ZNF562: variants seen among roughly 807,000 people sequenced by gnomAD.
ZNF562 encodes the protein zinc finger protein 562.
ZNF562 carries 13 observed loss-of-function variants against 17.5 expected under a neutral mutation model. That is an observed-to-expected ratio of 0.74 (90% CI 0.48 to 1.18). ZNF562 has a LOEUF of 1.18. ZNF562 is among the 50% of genes most tolerant of loss of function. The pLI, the probability that ZNF562 is intolerant of heterozygous loss-of-function variation, is 0.00. For missense variants in ZNF562, 481 were observed against 498.5 expected (o/e 0.96, Z 0.33); for synonymous variants, 163 against 165.4 (o/e 0.99, Z 0.11).
chr19:9,669,650 T>C (rs2044071979), intron 1 of ZNF562, among the ~76,000 whole-genome samples: 1 of 151,314 alleles, frequency 6.6e-6, no homozygotes, highest in Non-Finnish European at 1.5e-5. Context: ...GCAACACCTG[T>C]CTGTACACAC....
At chr19:9,654,443 A>T (rs1322996055) in intron 5 of ZNF562, among the ~76,000 whole-genome samples, 1 of 152,114 alleles carries the variant, frequency 6.6e-6, no homozygotes, top group Non-Finnish European at 1.5e-5. Flanking sequence ...GGCATGCATC[A>T]TCCAATTTTT....
Position 9,648,981 on chromosome 19 carries a change from T to C in ZNF562, c.*3968A>G, listed in dbSNP as rs988323725. On this transcript the variant is annotated 3_prime_UTR_variant, in exon 6 of 6. Coordinates refer to ENST00000453372, the MANE Select transcript of ZNF562 (RefSeq NM_001130031.2). ...TAAAAACTGGATATAAAGAAAAAAC[T>C]TTTCCTGCAGGACATTGTTGCAGGA... The C allele has an allele frequency of 1.3e-5, 2 of 152,036 alleles. No individual in the cohort carries two copies. Among genetic ancestry groups the C allele is most frequent in the Admixed American group, 6.6e-5 (1 of 15,248 alleles). The allele number at this position is 152,036 out of a possible 1,614,324, so 9.4% of individuals were successfully genotyped here. A position where few individuals can be genotyped will look rare whatever the true frequency, so the allele number is the denominator to read the frequency against.
intron 1 of ZNF562, among the ~76,000 whole-genome samples, chr19:9,670,128 A>T (rs887320676): frequency 6.6e-6 from 1 of 152,006 alleles, no homozygotes; most frequent in Non-Finnish European, 1.5e-5. Context: ...AGTCCTGGCT[A>T]CTCAGGAAGC....
intron 1 of ZNF562, among the ~76,000 whole-genome samples, chr19:9,669,734 G>GCGCGCACA (rs1221319747): frequency 1.6e-3 from 171 of 109,316 alleles, no homozygotes; most frequent in Middle Eastern, 5.0e-3. Context: ...GCGCGCGCGC[G>GCGCGCACA]CACACACACA....
intron 4 of ZNF562, among the ~76,000 whole-genome samples, chr19:9,657,391 C>CAA (rs540611946): frequency 0.018 from 1,592 of 88,096 alleles, 27 homozygotes; most frequent in African/African-American, 0.061. Flanking sequence ...GAGACTCCCT[C>CAA]AAAAAAAAAA....
intron 1 of ZNF562, among the ~76,000 whole-genome samples, chr19:9,669,777 A>C (rs183980501): frequency 0.02 from 1,755 of 88,736 alleles, 33 homozygotes; most frequent in African/African-American, 0.067. Context: ...CACACACACA[A>C]CCAGTCAGGG....
chr19:9,659,228 T>C (rs2043632767), intron 3 of ZNF562, 151 bp downstream of exon 3: 4 of 686,720 alleles, frequency 5.8e-6, no homozygotes, highest in Non-Finnish European at 9.9e-6. Flanking sequence ...GGAGACTTCA[T>C]TCCCTGGGGA....
Position 9,643,996 on chromosome 19 carries a change from C to T in ZNF562, c.*8953G>A, listed in dbSNP as rs2074790341. The T allele has an allele frequency of 6.6e-6, 1 of 151,826 alleles. No homozygotes were observed. The highest frequency in any genetic ancestry group is 2.1e-4 in the South Asian group (1 of 4,800). The allele number at this position is 151,826 out of a possible 1,614,324, so 9.4% of individuals were successfully genotyped here. A position where few individuals can be genotyped will look rare whatever the true frequency, so the allele number is the denominator to read the frequency against. On this transcript the variant is annotated 3_prime_UTR_variant, in exon 6 of 6. Coordinates refer to ENST00000453372, the MANE Select transcript of ZNF562 (RefSeq NM_001130031.2). Reference sequence around the variant, plus strand: ...TAGTTTTAGTAGATACAAGGTTTCACCGTTTTAGCCAGGATCATCTCAATC... The same window carrying T: ...TAGTTTTAGTAGATACAAGGTTTCATCGTTTTAGCCAGGATCATCTCAATC...
At chr19:9,659,625 C>T (rs2043646954) in intron 2 of ZNF562, among the ~76,000 whole-genome samples, 158 bp from the exon 3 acceptor site, 1 of 152,066 alleles carries the variant, frequency 6.6e-6, no homozygotes, top group Admixed American at 6.6e-5. Context: ...AGTCCTGTAT[C>T]ACCTAGACCC....
At chr19:9,674,053 A>C (rs1353995677) in intron 1 of ZNF562, among the ~76,000 whole-genome samples, 1 of 152,214 alleles carries the variant, frequency 6.6e-6, no homozygotes, top group African/African-American at 2.4e-5. Context: ...CACCAGGACA[A>C]GGGAGGGGAA....
At position 9,660,658 on chromosome 19, in the gene ZNF562, C is replaced by G. The variant is rs368601787; in HGVS notation, c.25+62G>C. On this transcript the variant is annotated intron_variant, in intron 2 of 5. Transcript: ENST00000453372. ...CTGTTCAGGCCCAGCTCACTGGACT[C>G]TTATGTTGTGGAGGGCGACCTAAAG... The G allele has an allele frequency of 9.3e-5, 145 of 1,566,634 alleles. No individual in the cohort carries two copies. The African/African-American group carries it at 1.7e-3, about 19-fold the overall frequency.
chr19:9,673,048 T>C (rs1422646772), intron 1 of ZNF562, among the ~76,000 whole-genome samples: 1 of 152,104 alleles, frequency 6.6e-6, no homozygotes, highest in Non-Finnish European at 1.5e-5. Context: ...AACCTTCCCA[T>C]CAGCTCTAAT....
intron 1 of ZNF562, among the ~76,000 whole-genome samples, chr19:9,669,379 T>TA (rs1430126729): frequency 6.6e-6 from 1 of 151,996 alleles, no homozygotes; most frequent in Non-Finnish European, 1.5e-5. Context: ...ATCAGAGAAA[T>TA]ACAAATCACA....
intron 1 of ZNF562, among the ~76,000 whole-genome samples, chr19:9,664,362 G>T (rs1007899288): frequency 4.6e-5 from 7 of 152,108 alleles, no homozygotes; most frequent in Admixed American, 3.9e-4. Flanking sequence ...TTGTTTTAAC[G>T]TTCCTTAAAG....
intron 1 of ZNF562, among the ~76,000 whole-genome samples, chr19:9,666,392 C>A (rs2043961733): frequency 6.7e-6 from 1 of 149,714 alleles, no homozygotes; most frequent in African/African-American, 2.4e-5. Flanking sequence ...AAACCAAAAT[C>A]TATGGGATAA....
At chr19:9,657,927 G>A (rs2043576509) in intron 4 of ZNF562, 82 bp downstream of exon 4, 1 of 1,496,184 alleles carries the variant, frequency 6.7e-7, no homozygotes, top group South Asian at 1.4e-5. Context: ...CCAGGCTCCA[G>A]CGATTCTCCC....
rs1356182520 is a variant in ZNF562 at position 9,651,258 on chromosome 19, T to A, written c.*1691A>T. 2 of 152,188 alleles carry A rather than the reference T, an allele frequency of 1.3e-5. No individual in the cohort carries two copies. The highest frequency in any genetic ancestry group is 4.8e-5 in the African/African-American group (2 of 41,436). The allele number at this position is 152,188 out of a possible 1,614,324, so 9.4% of individuals were successfully genotyped here. On this transcript the variant is annotated 3_prime_UTR_variant, in exon 6 of 6. Coordinates refer to ENST00000453372, the MANE Select transcript of ZNF562 (RefSeq NM_001130031.2). ...TCATTGGGGAATGAGGAACATGCTA[T>A]TGGGAAATGAAGAAAAGACAACCCT...
rs1244585446 is a variant in ZNF562 at position 9,646,461 on chromosome 19, A to C, written c.*6488T>G. On this transcript the variant is annotated 3_prime_UTR_variant, in exon 6 of 6. Transcript: ENST00000453372. Reference sequence around the variant, plus strand: ...CAGAAAGACTAAGAAGTAGAGGAAAATCAAGCTGATGTAACTATATAAATA... The same window carrying C: ...CAGAAAGACTAAGAAGTAGAGGAAACTCAAGCTGATGTAACTATATAAATA... The C allele has an allele frequency of 1.3e-5, 2 of 152,186 alleles. No homozygotes were observed. The highest frequency in any genetic ancestry group is 1.5e-5 in the Non-Finnish European group (1 of 68,020). 9.4% of individuals were successfully genotyped at this position (152,186 alleles called of 1,614,324 possible).
At chr19:9,669,716 GAGCGCGCGCGCGCGCGCGCACA>G (rs1163542422) in intron 1 of ZNF562, among the ~76,000 whole-genome samples, 9 of 83,980 alleles carry the variant, frequency 1.1e-4, no homozygotes, top group South Asian at 1.0e-3. Flanking sequence ...GCACGCGCGC[GAGCGCGCGCGCGCGCGCGCACA>G]CACACACACA....
Sources: gnomAD v4.1 joint callset for allele counts (sites outside exome capture counted in the v4.1 genomes callset) on GRCh38, gnomAD v4.1.1 for gene constraint, MANE v1.5 for transcripts, NCBI Gene and HGNC (gene_info 2026-07-23, HGNC 2026-07-21) for gene names.